Variants in MTPAP observed in about 807,000 individuals in gnomAD.
MTPAP encodes poly(A) RNA polymerase, mitochondrial.
In MTPAP, 23 loss-of-function variants were observed where a neutral mutation model predicts 48.7. The ratio of observed to expected loss-of-function variants is 0.47; its 90% CI spans 0.34 to 0.67. The LOEUF is 0.67. MTPAP is among the 30% of genes least tolerant of loss of function. MTPAP has a pLI of 0.01. For missense variants in MTPAP, 614 were observed against 694.3 expected, an observed-to-expected ratio of 0.88 and a Z score of 1.30; for synonymous variants, 257 against 254.1, an observed-to-expected ratio of 1.01 and a Z score of -0.11.
In MTPAP at chr10:30,340,933, G is replaced by A. The variant is rs766950484; in HGVS notation, c.331-483C>T. Among the ~76,000 whole-genome samples, 220 of 150,768 alleles carry A rather than the reference G, an allele frequency of 1.5e-3. 3 individuals carry two copies. Among genetic ancestry groups the A allele is most frequent in the Admixed American group, 6.6e-4 (10 of 15,068 alleles). On this transcript the variant is annotated intron_variant, in intron 2 of 8. Coordinates refer to ENST00000263063, the MANE Select transcript of MTPAP (RefSeq NM_018109.4). ...GACTCCATGTCAAAAAAAAAGAAAC[G>A]GAACCTTAAAACAATGTTAGTTAAG...
intron 6 of MTPAP, among the ~76,000 whole-genome samples, chr10:30,320,973 A>AGTGGTGAAGATCTGCCCATATCTTAT (rs1840718594): frequency 6.6e-6 from 1 of 152,204 alleles, no homozygotes; most frequent in Admixed American, 6.5e-5. Flanking sequence ...CAGGTAGTTT[A>AGTGGTGAAGATCTGCCCATATCTTAT]GTGGTGAAGA....
Position 30,349,265 on chromosome 10 carries a change from G to A in MTPAP, c.11C>T (p.Pro4Leu), listed in dbSNP as rs1390107785. Residue 4 changes from proline (P) to leucine (L), a missense_variant, in exon 1 of 9, where the codon CCC (proline) becomes CTC (leucine). Physicochemically the swap from Pro to Leu is moderately conservative, Grantham distance 98. Transcript: ENST00000263063. Reference sequence around the variant, plus strand: ...CAAACGGGTCAAGAGCCCCACGCCGGGAACCGCCATTGCTAAAAAAAAAAA... The same window carrying A: ...CAAACGGGTCAAGAGCCCCACGCCGAGAACCGCCATTGCTAAAAAAAAAAA... Reference protein sequence around the residue: MAVPGVGLLTRLNL... With the variant: MAVLGVGLLTRLNL... 4 of 1,417,114 alleles carry A rather than the reference G, an allele frequency of 2.8e-6. No individual in the cohort carries two copies. The highest frequency in any genetic ancestry group is 3.8e-6 in the Non-Finnish European group (4 of 1,053,980). The allele number at this position is 1,417,114 out of a possible 1,614,324, so 87.8% of individuals were successfully genotyped here.
chr10:30,324,576 A>C (rs952386357), intron 5 of MTPAP, among the ~76,000 whole-genome samples: 2 of 152,068 alleles, frequency 1.3e-5, no homozygotes, highest in African/African-American at 4.8e-5. Context: ...AATAGAATTA[A>C]ATTAAATTAA....
intron 6 of MTPAP, among the ~76,000 whole-genome samples, chr10:30,320,804 C>T (rs899138350): frequency 1.3e-5 from 2 of 152,148 alleles, no homozygotes; most frequent in Non-Finnish European, 2.9e-5. Context: ...GAGTAGTCTA[C>T]CCCAAGTTCA....
At chr10:30,314,475 G>C (rs542254212) in intron 8 of MTPAP, among the ~76,000 whole-genome samples, 10 of 152,112 alleles carry the variant, frequency 6.6e-5, no homozygotes, top group African/African-American at 2.4e-4. Context: ...TCCCAAGTAT[G>C]AGATGAGGAA....
intron 4 of MTPAP, among the ~76,000 whole-genome samples, chr10:30,334,140 A>G (rs1834702881): frequency 6.6e-6 from 1 of 152,136 alleles, no homozygotes; most frequent in Non-Finnish European, 1.5e-5. Flanking sequence ...AGACAGATAG[A>G]AATACCTGCA....
At chr10:30,332,452 C>T (rs1043525290) in intron 4 of MTPAP, among the ~76,000 whole-genome samples, 1 of 152,160 alleles carries the variant, frequency 6.6e-6, no homozygotes, top group Non-Finnish European at 1.5e-5. Flanking sequence ...CACCACCACG[C>T]CCAGCTAATT....
In MTPAP at chr10:30,348,966, C is replaced by T. The variant is rs550961299; in HGVS notation, c.157+153G>A. The T allele has an allele frequency of 3.3e-5, 38 of 1,167,630 alleles. No homozygotes were observed. The South Asian group carries it at 4.9e-4, about 15-fold the overall frequency. 72.3% of individuals were successfully genotyped at this position (1,167,630 alleles called of 1,614,324 possible). A position where few individuals can be genotyped will look rare whatever the true frequency, so the allele number is the denominator to read the frequency against. ...AGCAACGGCGGCGACCCTGGGTTCCCCTACAGAGATCAGAGGAGAGGAGAG... is the reference window on the plus strand; with the variant it reads ...AGCAACGGCGGCGACCCTGGGTTCCTCTACAGAGATCAGAGGAGAGGAGAG... On this transcript the variant is annotated intron_variant, in intron 1 of 8. Coordinates refer to ENST00000263063, the MANE Select transcript of MTPAP (RefSeq NM_018109.4).
chr10:30,345,583 A>G lies in MTPAP; in HGVS notation c.157+3536T>C, dbSNP rs76262236. 1.5e-3 allele frequency among the ~76,000 whole-genome samples: 225 copies of G among 152,366 alleles called. 1 individual carries two copies. Among genetic ancestry groups the G allele is most frequent in the African/African-American group, 5.1e-3 (211 of 41,590 alleles). On this transcript the variant is annotated intron_variant, in intron 1 of 8. Transcript: ENST00000263063. ...AAGAATGATGTAGACACGATGACAA[A>G]GTTGTGAAGGCGGGAACAGAAAGTT...
At chr10:30,327,535 TAAATA>T (rs1564520708) in intron 4 of MTPAP, among the ~76,000 whole-genome samples, 1 of 148,442 alleles carries the variant, frequency 6.7e-6, no homozygotes, top group Non-Finnish European at 1.5e-5. Context: ...AATAAATAAA[TAAATA>T]AATTACTAAA....
chr10:30,347,691 G>T (rs994640919), intron 1 of MTPAP, among the ~76,000 whole-genome samples: 4 of 152,182 alleles, frequency 2.6e-5, no homozygotes, highest in African/African-American at 9.6e-5. Flanking sequence ...TGGAGTTCAA[G>T]ATCAGCCTGG....
chr10:30,326,419 C>A lies in MTPAP; in HGVS notation c.992+5G>T. On this transcript the variant is annotated splice_donor_5th_base_variant and intron_variant, in intron 5 of 8. Transcript: ENST00000263063. ...ATTTAAAATAATAAATGTAAGCGGT[C>A]ATACCTATTGTTCGTAGTCAAATCA... 2 of 1,610,676 alleles carry A rather than the reference C, an allele frequency of 1.2e-6. No individual in the cohort carries two copies. Among genetic ancestry groups the A allele is most frequent in the South Asian group, 2.2e-5 (2 of 90,950 alleles).
At chr10:30,327,543 T>TAAA (rs57121121) in intron 4 of MTPAP, among the ~76,000 whole-genome samples, 43 of 139,788 alleles carry the variant, frequency 3.1e-4, no homozygotes, top group African/African-American at 1.1e-3. Context: ...AATAAATAAA[T>TAAA]TACTAAAACT....
chr10:30,337,088 C>T (rs1834738979), intron 3 of MTPAP, 61 bp from the exon 4 acceptor site: 9 of 1,395,858 alleles, frequency 6.4e-6, no homozygotes, highest in Non-Finnish European at 8.1e-6. Context: ...TAAAAAGTTA[C>T]CATTTTACTT....
intron 3 of MTPAP, 130 bp from the exon 4 acceptor site, chr10:30,337,157 G>A: frequency 1.2e-6 from 1 of 824,118 alleles, no homozygotes; most frequent in Non-Finnish European, 2.0e-6. Flanking sequence ...TGGCGCAGTG[G>A]CTCACGCCTG....
Position 30,337,012 on chromosome 10 carries a change from T to A in MTPAP, c.571A>T (p.Asn191Tyr). 1 of 1,612,992 alleles carries A rather than the reference T, an allele frequency of 6.2e-7. No homozygotes were observed. Among genetic ancestry groups the A allele is most frequent in the Non-Finnish European group, 8.5e-7 (1 of 1,179,740 alleles). The change falls in exon 4 of 9, where the codon AAC (asparagine) becomes TAC (tyrosine). Residue 191 changes from asparagine to tyrosine, a missense_variant. By Grantham distance (143) the Asn-to-Tyr change is moderately radical. This residue lies in a region of MTPAP where 114 missense variants were observed against 107.9 expected (regional missense o/e 1.06). Transcript: ENST00000263063. ...AGCTGGAACTCCTTCAAGAGAGTGTTCAGCTGATCGTCTATCTAGCTAGCC... is the reference window on the plus strand; with the variant it reads ...AGCTGGAACTCCTTCAAGAGAGTGTACAGCTGATCGTCTATCTAGCTAGCC... ...CYAESIDDQLNTLLKEFQLTE... is the reference protein window; with the variant it reads ...CYAESIDDQLYTLLKEFQLTE...
In MTPAP at chr10:30,310,691, G is replaced by C. The variant is rs1462849930; in HGVS notation, c.*2918C>G. On this transcript the variant is annotated 3_prime_UTR_variant, in exon 9 of 9. Transcript: ENST00000263063. Reference sequence around the variant, plus strand: ...GAGACAGGTAGATCACTTGAGGTCAGGAATTCAAGACCAGCCTGGCCAACA... The same window carrying C: ...GAGACAGGTAGATCACTTGAGGTCACGAATTCAAGACCAGCCTGGCCAACA... 1.3e-5 allele frequency: 2 copies of C among 152,066 alleles called. No homozygotes were observed. 9.4% of individuals were successfully genotyped at this position (152,066 alleles called of 1,614,324 possible). A position where few individuals can be genotyped will look rare whatever the true frequency, so the allele number is the denominator to read the frequency against.
intron 6 of MTPAP, among the ~76,000 whole-genome samples, chr10:30,321,025 G>T (rs1389495750): frequency 6.6e-6 from 1 of 152,132 alleles, no homozygotes; most frequent in South Asian, 2.1e-4. Context: ...CCATTAGATT[G>T]TGAGTTATCT....
At position 30,313,876 on chromosome 10, in the gene MTPAP, C is replaced by G; in HGVS notation, c.1482G>C (p.Gln494His). Residue 494 changes from glutamine (Q) to histidine (H), a missense_variant, in exon 9 of 9, where the codon CAG becomes CAC. This residue lies in a region of MTPAP where 109 missense variants were observed against 100.5 expected (regional missense o/e 1.08). Coordinates refer to ENST00000263063, the MANE Select transcript of MTPAP (RefSeq NM_018109.4). ...GGGCCAAATCTACAAATTTTTGCAG[C>G]TGGCTTTGACTTACATTTTTGCTTA... ...LNISKNVSQS[Q>H]LQKFVDLARE... 1.9e-6 allele frequency: 3 copies of G among 1,614,168 alleles called. No individual in the cohort carries two copies. The highest frequency in any genetic ancestry group is 2.5e-6 in the Non-Finnish European group (3 of 1,180,030).
Sources: allele counts gnomAD v4.1 joint callset (sites outside exome capture counted in the v4.1 genomes callset), GRCh38; gene constraint gnomAD v4.1.1; regional missense constraint gnomAD v4.1.1; transcripts MANE v1.5; gene names NCBI Gene and HGNC (gene_info 2026-07-23, HGNC 2026-07-21).